PRRC2C: variants seen among roughly 807,000 people sequenced by gnomAD.
PRRC2C encodes proline rich coiled-coil 2C, also known as protein PRRC2C.
Under a neutral mutation model 317.2 loss-of-function variants are expected in PRRC2C, and 72 were observed. That is an observed-to-expected ratio of 0.23 (90% CI 0.19 to 0.28). PRRC2C has a LOEUF of 0.28. Among genes scored for constraint, PRRC2C ranks in the 10% least tolerant of loss-of-function variants. The pLI is 1.00. For synonymous variants in PRRC2C, 1,296 were observed against 1,205.9 expected (o/e 1.07, Z -1.55); for missense variants, 3,074 against 3,459.7 (o/e 0.89, Z 2.80).
rs1238280504 is a variant in PRRC2C, at chr1:171,523,441, A to G, written c.974A>G (p.Gln325Arg). ...GTTTTCCTTAATTTAATAGGTGCTC[A>G]GATGGAAGTAGATTATACAGAGCAA... ...AEADEGWAGA[Q>R]MEVDYTEQLN... The change falls in exon 9 of 35, where the codon CAG (glutamine) becomes CGG (arginine). Residue 325 changes from glutamine to arginine, a missense_variant. Transcript: ENST00000647382. The G allele has an allele frequency of 1.2e-6, 2 of 1,613,274 alleles. No individual in the cohort carries two copies. The highest frequency in any genetic ancestry group is 1.7e-6 in the Non-Finnish European group (2 of 1,179,634).
chr1:171,495,658 T>A (rs1292254680), intron 1 of PRRC2C, among the ~76,000 whole-genome samples: 1 of 152,182 alleles, frequency 6.6e-6, no homozygotes, highest in Non-Finnish European at 1.5e-5. Context: ...AGTGACTAAA[T>A]TTTTTTAAGG....
chr1:171,578,875 AAAAC>A (rs1187680347), intron 26 of PRRC2C, among the ~76,000 whole-genome samples: 4 of 152,326 alleles, frequency 2.6e-5, no homozygotes, highest in Middle Eastern at 3.4e-3. Context: ...ACAAAAAACA[AAAAC>A]AAAAAAAAAC....
chr1:171,496,164 C>T (rs1668051683), intron 1 of PRRC2C, among the ~76,000 whole-genome samples: 1 of 139,368 alleles, frequency 7.2e-6, no homozygotes, highest in Non-Finnish European at 1.5e-5. Context: ...GCACCCCTGC[C>T]CCCTTTACGA....
chr1:171,544,872 A>G (rs1678759658), intron 16 of PRRC2C, among the ~76,000 whole-genome samples: 1 of 152,140 alleles, frequency 6.6e-6, no homozygotes, highest in Admixed American at 6.5e-5. Context: ...TAGTAAACCC[A>G]TTTCCCATGA....
At chr1:171,506,186 C>T (rs754657478) in intron 1 of PRRC2C, among the ~76,000 whole-genome samples, 1 of 152,158 alleles carries the variant, frequency 6.6e-6, no homozygotes, top group East Asian at 1.9e-4. Context: ...CATGAGCCAC[C>T]GTGCCCAGCC....
chr1:171,587,601 C>A, intron 31 of PRRC2C, 47 bp from the exon 32 acceptor site: 2 of 1,326,140 alleles, frequency 1.5e-6, no homozygotes, highest in Non-Finnish European at 1.1e-6. Flanking sequence ...CAGCACTTAG[C>A]TTGTGGAATT....
intron 1 of PRRC2C, among the ~76,000 whole-genome samples, chr1:171,496,474 A>G (rs972264334): frequency 3.9e-5 from 6 of 152,014 alleles, no homozygotes; most frequent in Admixed American, 3.9e-4. Flanking sequence ...GAGTGCTAGG[A>G]TTACAGATGT....
In PRRC2C at chr1:171,540,668, C is replaced by T. The variant is rs1332959796; in HGVS notation, c.3202C>T (p.Gln1068Ter). 1 of 1,613,994 alleles carries T rather than the reference C, an allele frequency of 6.2e-7. No homozygotes were observed. The change falls in exon 16 of 35, where the codon CAG becomes TAG. Residue 1068 changes from glutamine to a stop codon, truncating the protein, a stop_gained. Transcript: ENST00000647382. LOFTEE classifies it high-confidence loss of function. ...TCTTCCTCCTCCCCCACCACCACCT[C>T]AGCCACCAGCACCAATTCAGCCACA... ...KDLPPPPPPP[Q>*]PPAPIQPQSV... is the part of the protein sequence containing the mutation.
At chr1:171,573,338 A>G (rs763507396) in intron 24 of PRRC2C, among the ~76,000 whole-genome samples, 2 of 152,206 alleles carry the variant, frequency 1.3e-5, no homozygotes, top group African/African-American at 2.4e-5. Context: ...TTGATTAGCT[A>G]TAACTTAATT....
intron 1 of PRRC2C, among the ~76,000 whole-genome samples, 159 bp downstream of exon 1, chr1:171,485,894 G>C (rs1382818103): frequency 6.6e-6 from 1 of 152,068 alleles, no homozygotes; most frequent in Non-Finnish European, 1.5e-5. Flanking sequence ...CCTTCTGTTT[G>C]GTTACCATCA....
At chr1:171,571,495 G>C (rs974757253) in intron 24 of PRRC2C, 74 bp downstream of exon 24, 9 of 1,132,060 alleles carry the variant, frequency 8.0e-6, no homozygotes, top group Non-Finnish European at 1.1e-5. Flanking sequence ...ATATTCGTGG[G>C]GTATTTTTAC....
rs1681668196 is a variant in PRRC2C at position 171,557,466 on chromosome 1, C to T, written c.5354C>T (p.Ala1785Val). 1.3e-6 allele frequency: 2 copies of T among 1,544,592 alleles called. No homozygotes were observed. Among genetic ancestry groups the T allele is most frequent in the Admixed American group, 3.9e-5 (2 of 50,634 alleles). Residue 1785 changes from alanine to valine, a missense_variant, in exon 19 of 35, where the codon GCT becomes GTT. Around this residue, in one of 11 missense-constraint regions of PRRC2C, gnomAD observed 640 missense variants for 676.1 expected, o/e 0.95. Coordinates refer to ENST00000647382, the MANE Select transcript of PRRC2C (RefSeq NM_001387844.1). ...TLTPVPASTS[A>V]PVPASTLAPV... The stretch of plus-strand genomic sequence containing the variant: ...ACTCCAGTTCCAGCCTCAACCTCAG[C>T]TCCGGTTCCAGCCTCAACTTTAGCT...
Position 171,517,717 on chromosome 1 carries a change from T to A in PRRC2C, c.653T>A (p.Val218Glu). 1 of 1,613,410 alleles carries A rather than the reference T, an allele frequency of 6.2e-7. No homozygotes were observed. The highest frequency in any genetic ancestry group is 8.5e-7 in the Non-Finnish European group (1 of 1,179,758). The change falls in exon 6 of 35, where the codon GTG becomes GAG. Residue 218 changes from valine to glutamate, a missense_variant. Physicochemically the swap from Val to Glu is moderately radical, Grantham distance 121. Coordinates refer to ENST00000647382, the MANE Select transcript of PRRC2C (RefSeq NM_001387844.1). Reference protein sequence around the residue: ...GTSEQNDILKVVEKRIACGPP... With the variant: ...GTSEQNDILKEVEKRIACGPP... ...TCAGAGCAAAATGATATCCTCAAAG[T>A]GGTGGAAAAGAGGATAGCTTGTGGT...
Position 171,578,816 on chromosome 1 carries a change from A to G in PRRC2C, c.7160-538A>G, listed in dbSNP as rs374939906. Among the ~76,000 whole-genome samples the G allele has an allele frequency of 7.9e-5, 12 of 152,256 alleles. 1 individual carries two copies. The East Asian group carries it at 1.2e-3, about 15-fold the overall frequency. On this transcript the variant is annotated intron_variant, in intron 26 of 34. Transcript: ENST00000647382. ...TGGAGGTTGCAGTGAGCTGGGATCA[A>G]TCGTGCCACTGCACTTCAGCCTGGG...
At chr1:171,551,140 A>G (rs235472) in intron 18 of PRRC2C, among the ~76,000 whole-genome samples, 24,006 of 152,102 alleles carry the variant, frequency 0.16, 1,958 homozygotes, top group Middle Eastern at 0.29. Context: ...TTGTTTCCTG[A>G]CTTTTTAATG....
chr1:171,532,658 G>C lies in PRRC2C; in HGVS notation c.1570G>C (p.Glu524Gln). 6.4e-7 allele frequency: 1 copy of C among 1,551,386 alleles called. No individual in the cohort carries two copies. The change falls in exon 12 of 35, where the codon GAA (glutamate) becomes CAA (glutamine). Residue 524 changes from glutamate (E) to glutamine (Q), a missense_variant. Physicochemically the swap from Glu to Gln is conservative, Grantham distance 29. Coordinates refer to ENST00000647382, the MANE Select transcript of PRRC2C (RefSeq NM_001387844.1). Reference protein sequence around the residue: ...EREREKELEKEQEQEREKERE... With the variant: ...EREREKELEKQQEQEREKERE... ...GGAGCGTGAGAAAGAACTTGAAAAA[G>C]AACAAGAACAGGAGCGAGAGAAGGA...
chr1:171,512,546 A>G, intron 2 of PRRC2C: 1 of 276,652 alleles, frequency 3.6e-6, no homozygotes, highest in South Asian at 3.9e-5. Context: ...TAGACTAGAG[A>G]AAGTCTTATG....
rs571119359 is a variant in PRRC2C, at chr1:171,554,403, A to G, written c.5128-2837A>G. ...GTCTCCTGAATACAGCACATTGATG[A>G]GTCTTGACTCTTTATCCAATTTGCC... On this transcript the variant is annotated intron_variant, in intron 18 of 34. Transcript: ENST00000647382. Among the ~76,000 whole-genome samples the G allele has an allele frequency of 3.3e-5, 5 of 152,196 alleles. No homozygotes were observed. In the East Asian group the frequency reaches 7.7e-4, roughly 24 times the overall value.
At chr1:171,552,237 G>A (rs1680390440) in intron 18 of PRRC2C, among the ~76,000 whole-genome samples, 2 of 152,108 alleles carry the variant, frequency 1.3e-5, no homozygotes, top group African/African-American at 2.4e-5. Context: ...GTGAATGGGA[G>A]TTCACTCATG....
Sources: allele counts gnomAD v4.1 joint callset (sites outside exome capture counted in the v4.1 genomes callset), GRCh38; gene constraint gnomAD v4.1.1; regional missense constraint gnomAD v4.1.1; transcripts MANE v1.5; gene names NCBI Gene and HGNC (gene_info 2026-07-23, HGNC 2026-07-21).